The following ZNF138 variants were observed in gnomAD, a reference collection of about 807,000 sequenced individuals.
ZNF138 encodes the protein zinc finger protein 138.
A neutral mutation model predicts 33.0 loss-of-function variants in ZNF138; 33 were observed. The observed-to-expected ratio is 1.00, with a 90% confidence interval of 0.76 to 1.34. ZNF138 has a LOEUF of 1.34. ZNF138 is among the 40% of genes most tolerant of loss of function. ZNF138 has a pLI of 0.00. For synonymous variants in ZNF138, 139 were observed against 120.4 expected (o/e 1.15, Z -1.01); for missense variants, 360 against 370.8 (o/e 0.97, Z 0.24).
chr7:64,802,483 C>A (rs985841035), intron 1 of ZNF138, among the ~76,000 whole-genome samples: 1 of 151,870 alleles, frequency 6.6e-6, no homozygotes, highest in African/African-American at 2.4e-5. Flanking sequence ...AGGGCAATTT[C>A]AAGGCATGGC....
At chr7:64,810,140 C>A (rs1231412987) in intron 1 of ZNF138, among the ~76,000 whole-genome samples, 14 of 98,834 alleles carry the variant, frequency 1.4e-4, no homozygotes, top group Admixed American at 7.3e-4. Context: ...GAGCCCAGAT[C>A]ACGCCACTGC....
rs145389450 is a variant in ZNF138 at position 64,831,720 on chromosome 7, A to T, written c.478A>T (p.Arg160Ter). Residue 160 changes from arginine (R) to a stop codon, truncating the protein, a stop_gained, in exon 4 of 4, where the codon AGA becomes TGA. Transcript: ENST00000307355. LOFTEE classifies it high-confidence loss of function. ...TTCAAATTCAAATAGACACAAGATA[A>T]GACATACTGAAAATAAACATTTCAG... ...KFSNSNRHKI[R>*]HTENKHFRCK... 2,161 of 1,613,368 alleles carry T rather than the reference A, an allele frequency of 1.3e-3. 4 individuals carry two copies. The highest frequency in any genetic ancestry group is 1.6e-3 in the Non-Finnish European group (1,887 of 1,179,752).
At chr7:64,856,873 GC>G in the ZNF138 span, among the ~76,000 whole-genome samples, 1 of 32 alleles carries the variant, frequency 0.031, no homozygotes, top group African/African-American at 0.033. Flanking sequence ...TGCCCGGCCA[GC>G]CGCCCAGTCT....
At chr7:64,799,801 G>A (rs1786997908) in intron 1 of ZNF138, among the ~76,000 whole-genome samples, 1 of 151,940 alleles carries the variant, frequency 6.6e-6, no homozygotes, top group African/African-American at 2.4e-5. Flanking sequence ...GTGCCACCAC[G>A]CCTGGCTAAT....
downstream of ZNF138, chr7:64,836,796 G>T (rs1790378389): frequency 6.6e-6 from 1 of 152,214 alleles, no homozygotes; most frequent in African/African-American, 2.4e-5. Flanking sequence ...CTAGGGAAGA[G>T]AATTTTAGAC....
intron 3 of ZNF138, among the ~76,000 whole-genome samples, chr7:64,823,259 G>C (rs985178683): frequency 6.6e-6 from 1 of 152,168 alleles, no homozygotes; most frequent in Non-Finnish European, 1.5e-5. Context: ...AGATTTTCCA[G>C]TTCTACTTTT....
intron 1 of ZNF138, chr7:64,814,237 C>T (rs1356450502): frequency 1.5e-6 from 1 of 647,828 alleles, no homozygotes; most frequent in African/African-American, 2.0e-5. Context: ...GTTTATTGTA[C>T]ACATTAAAAC....
intron 1 of ZNF138, among the ~76,000 whole-genome samples, chr7:64,814,447 G>A (rs1005887371): frequency 3.3e-5 from 5 of 152,176 alleles, no homozygotes; most frequent in African/African-American, 9.7e-5. Flanking sequence ...AGGGCAAGAA[G>A]TACATTAGAA....
chr7:64,830,680 A>G (rs1790009852), intron 3 of ZNF138, among the ~76,000 whole-genome samples: 1 of 152,062 alleles, frequency 6.6e-6, no homozygotes, highest in African/African-American at 2.4e-5. Flanking sequence ...TGATAGGGCT[A>G]TGTTGCCCTA....
the ZNF138 span, chr7:64,852,316 T>A: frequency 1.0e-6 from 1 of 957,498 alleles, no homozygotes; most frequent in Non-Finnish European, 1.6e-6. Context: ...TTTTTGTTGC[T>A]TATAGTCTTT....
At chr7:64,815,161 T>C in intron 2 of ZNF138, 117 bp downstream of exon 2, 1 of 1,073,300 alleles carries the variant, frequency 9.3e-7, no homozygotes. Flanking sequence ...TTCAGATTCC[T>C]GTTTTCAAAA....
chr7:64,827,197 C>T (rs1282687790), intron 3 of ZNF138, among the ~76,000 whole-genome samples: 1 of 151,304 alleles, frequency 6.6e-6, no homozygotes, highest in African/African-American at 2.4e-5. Context: ...CTGCCTTGGC[C>T]TCCTAAAGCT....
intron 3 of ZNF138, among the ~76,000 whole-genome samples, chr7:64,830,782 G>A (rs1270462708): frequency 6.6e-6 from 1 of 152,116 alleles, no homozygotes; most frequent in Non-Finnish European, 1.5e-5. Context: ...TCCTGGCAAA[G>A]TCTGAGACCA....
the ZNF138 span, chr7:64,853,008 C>G: frequency 6.7e-7 from 1 of 1,487,462 alleles, no homozygotes; most frequent in African/African-American, 1.4e-5. Context: ...TTGTCACATT[C>G]TGTGACCCCC....
At chr7:64,818,748 TAAA>T (rs1205847469) in intron 3 of ZNF138, among the ~76,000 whole-genome samples, 6 of 134,340 alleles carry the variant, frequency 4.5e-5, no homozygotes, top group African/African-American at 1.1e-4. Context: ...AGACTCCATC[TAAA>T]AAAAAAAAAA....
chr7:64,831,301 A>G (rs1446086541), intron 3 of ZNF138, 150 bp from the exon 4 acceptor site: 4 of 924,454 alleles, frequency 4.3e-6, no homozygotes, highest in Non-Finnish European at 4.8e-6. Context: ...TTTTTGTTAC[A>G]TTTATATGTC....
chr7:64,828,347 T>C (rs1789812956), intron 3 of ZNF138, among the ~76,000 whole-genome samples: 1 of 152,104 alleles, frequency 6.6e-6, no homozygotes, highest in Admixed American at 6.5e-5. Context: ...ACAACTACCA[T>C]TTTTTTCCAT....
intron 1 of ZNF138, among the ~76,000 whole-genome samples, chr7:64,813,772 T>C (rs1788380243): frequency 6.6e-6 from 1 of 152,168 alleles, no homozygotes; most frequent in African/African-American, 2.4e-5. Flanking sequence ...GACTACAATT[T>C]ACTTTTGGGG....
intron 1 of ZNF138, among the ~76,000 whole-genome samples, chr7:64,807,359 T>C (rs542198411): frequency 1.1e-4 from 17 of 152,216 alleles, no homozygotes; most frequent in African/African-American, 3.6e-4. Flanking sequence ...AATCCACTTA[T>C]AACTGCTGCT....
Sources: gnomAD v4.1 joint callset for allele counts (sites outside exome capture counted in the v4.1 genomes callset) on GRCh38, gnomAD v4.1.1 for gene constraint, MANE v1.5 for transcripts, NCBI Gene and HGNC (gene_info 2026-07-23, HGNC 2026-07-21) for gene names.